The following SPATA7 variants were observed in gnomAD, a reference collection of about 807,000 sequenced individuals.
SPATA7 encodes spermatogenesis-associated protein 7.
SPATA7 carries 43 observed loss-of-function variants against 51.8 expected under a neutral mutation model. The observed-to-expected ratio is 0.83, with a 90% CI of 0.65 to 1.07. The LOEUF (loss-of-function observed/expected upper bound fraction) is 1.07, where lower values mean the gene tolerates loss of function less well. SPATA7 is among the 50% of genes least tolerant of loss of function. The pLI is 0.00. For missense variants in SPATA7, 683 were observed against 701.3 expected (o/e 0.97, Z 0.30); for synonymous variants, 230 against 252.8 (o/e 0.91, Z 0.86).
intron 4 of SPATA7, chr14:88,415,277 T>C (rs2076446078): frequency 3.0e-6 from 1 of 331,344 alleles, no homozygotes; most frequent in Non-Finnish European, 6.4e-6. Context: ...GTAAGTCTTG[T>C]GGAATTGAAT....
intron 3 of SPATA7, among the ~76,000 whole-genome samples, chr14:88,395,450 A>G (rs2075855454): frequency 6.6e-6 from 1 of 152,034 alleles, no homozygotes; most frequent in Non-Finnish European, 1.5e-5. Flanking sequence ...TAAACAGGTT[A>G]TTTCATAACC....
chr14:88,406,434 C>CTTT (rs59427279), intron 4 of SPATA7, among the ~76,000 whole-genome samples: 39 of 138,110 alleles, frequency 2.8e-4, no homozygotes, highest in African/African-American at 1.0e-3. Flanking sequence ...CACTAATCTA[C>CTTT]TTTTTTTTTT....
intron 2 of SPATA7, 69 bp from the exon 3 acceptor site, chr14:88,393,324 C>T (rs1250381649): frequency 1.4e-5 from 14 of 1,021,354 alleles, no homozygotes; most frequent in Non-Finnish European, 1.9e-5. Context: ...GTTAAATAAT[C>T]AGTGCCTTGT....
At position 88,469,425 on chromosome 14, in the gene SPATA7, G is replaced by T; in HGVS notation, c.255-422G>T. ...TGAGATAACATAAAGGAAATATTTC[G>T]GAAACATAAATGTTCCTCTCTGTTT... On this transcript the variant is annotated intron_variant, in intron 4 of 4. Transcript: ENST00000556406. The surrounding 1 kb of genome is among the most constrained non-coding windows in gnomAD (Gnocchi z 4.3). 7.8e-7 allele frequency: 1 copy of T among 1,279,564 alleles called. No homozygotes were observed. Among genetic ancestry groups the T allele is most frequent in the Non-Finnish European group, 1.1e-6 (1 of 891,098 alleles). The allele number at this position is 1,279,564 out of a possible 1,614,324, so 79.3% of individuals were successfully genotyped here. A position where few individuals can be genotyped will look rare whatever the true frequency, so the allele number is the denominator to read the frequency against.
chr14:88,437,264 CTG>C (rs1398149133), intron 10 of SPATA7, among the ~76,000 whole-genome samples: 2 of 150,852 alleles, frequency 1.3e-5, no homozygotes, highest in Admixed American at 6.6e-5. Context: ...TTGCATATGT[CTG>C]TGAGAGAAAA....
rs2077122262 is a variant in SPATA7 at position 88,437,549 on chromosome 14, AGAACGAC to A, written c.1168_1174del (p.Glu390CysfsTer6). The A allele has an allele frequency of 6.2e-7, 1 of 1,610,166 alleles. No homozygotes were observed. The highest frequency in any genetic ancestry group is 1.3e-5 in the African/African-American group (1 of 74,878). ...TTTTGTTTATCATTTGTAGGTTTTT[AGAACGAC>A]TGTTCGAGCGACATATAAAACAAAA... is the stretch of plus-strand genomic sequence containing the variant. On this transcript the variant is annotated frameshift_variant, in exon 11 of 12. Transcript: ENST00000393545. LOFTEE classifies it low-confidence loss of function (END_TRUNC).
chr14:88,435,442 T>G (rs2077058441), intron 10 of SPATA7, among the ~76,000 whole-genome samples: 1 of 152,186 alleles, frequency 6.6e-6, no homozygotes, highest in Non-Finnish European at 1.5e-5. Flanking sequence ...AACGATCAGA[T>G]TACATTCTCT....
chr14:88,408,452 G>T (rs762466117), intron 4 of SPATA7, among the ~76,000 whole-genome samples: 1 of 152,166 alleles, frequency 6.6e-6, no homozygotes, highest in Non-Finnish European at 1.5e-5. Context: ...TTTGCACATT[G>T]ATTTTGTATC....
chr14:88,424,651 C>T (rs149361963), intron 5 of SPATA7, among the ~76,000 whole-genome samples: 18 of 152,142 alleles, frequency 1.2e-4, no homozygotes, highest in African/African-American at 4.1e-4. Context: ...TTAGAAATTT[C>T]TTCTTTGAGA....
chr14:88,447,527 A>G (rs533951666), intron 3 of SPATA7, among the ~76,000 whole-genome samples: 3 of 152,142 alleles, frequency 2.0e-5, no homozygotes, highest in Admixed American at 6.5e-5. Flanking sequence ...TCCTGTCATT[A>G]TGATGTTAGC....
intron 4 of SPATA7, among the ~76,000 whole-genome samples, chr14:88,465,533 A>AAAAG (rs2140067687): frequency 6.6e-6 from 1 of 151,506 alleles, no homozygotes; most frequent in Admixed American, 6.5e-5. Context: ...CTATTTCATC[A>AAAAG]AAAGACCCCA....
At chr14:88,454,125 A>G (rs899409439) in intron 3 of SPATA7, among the ~76,000 whole-genome samples, 5 of 152,212 alleles carry the variant, frequency 3.3e-5, no homozygotes, top group African/African-American at 4.8e-5. Flanking sequence ...ATTAAAAAAC[A>G]TATCTTACAG....
intron 5 of SPATA7, 85 bp downstream of exon 5, chr14:88,416,929 T>A: frequency 8.1e-7 from 1 of 1,228,884 alleles, no homozygotes; most frequent in Non-Finnish European, 1.1e-6. Flanking sequence ...TACTATAGTT[T>A]AGGGTCAGCA....
At chr14:88,449,836 CT>C (rs2077239308) in intron 3 of SPATA7, among the ~76,000 whole-genome samples, 1 of 152,044 alleles carries the variant, frequency 6.6e-6, no homozygotes, top group African/African-American at 2.4e-5. Flanking sequence ...TATAATACCC[CT>C]CTTTGTCATT....
chr14:88,408,352 AT>A (rs2076252088), intron 4 of SPATA7, among the ~76,000 whole-genome samples: 1 of 151,904 alleles, frequency 6.6e-6, no homozygotes, highest in Non-Finnish European at 1.5e-5. Flanking sequence ...ATTCTTAGGT[AT>A]TTTATTCTCT....
At chr14:88,440,574 T>C (rs1323278393), downstream of SPATA7, among the ~76,000 whole-genome samples, 1 of 152,120 alleles carries the variant, frequency 6.6e-6, no homozygotes, top group Non-Finnish European at 1.5e-5. Context: ...AAGCAACATC[T>C]TTATATCTTC....
chr14:88,421,894 G>C (rs1388729966), intron 5 of SPATA7, among the ~76,000 whole-genome samples: 1 of 150,724 alleles, frequency 6.6e-6, no homozygotes, highest in Admixed American at 6.6e-5. Context: ...GTTGCAGTGA[G>C]CCAAGATTGT....
downstream of SPATA7, among the ~76,000 whole-genome samples, chr14:88,458,277 G>C (rs913302015): frequency 1.3e-5 from 2 of 152,138 alleles, no homozygotes; most frequent in South Asian, 4.1e-4. Context: ...TTTTTCTATG[G>C]ATTGGAATAG....
intron 3 of SPATA7, among the ~76,000 whole-genome samples, chr14:88,453,067 AT>A (rs1162798971): frequency 6.6e-6 from 1 of 152,182 alleles, no homozygotes; most frequent in East Asian, 1.9e-4. Context: ...CAACTCTGTG[AT>A]CTGAAATCTG....
Sources: gnomAD v4.1 joint callset for allele counts (sites outside exome capture counted in the v4.1 genomes callset) on GRCh38, gnomAD v4.1.1 for gene constraint, Gnocchi (gnomAD v3.1) non-coding constraint, MANE v1.5 for transcripts, NCBI Gene and HGNC (gene_info 2026-07-23, HGNC 2026-07-21) for gene names.